Variants in CPEB1 observed in about 807,000 individuals in gnomAD.
CPEB1 encodes the protein cytoplasmic polyadenylation element-binding protein 1.
A neutral mutation model predicts 65.8 loss-of-function variants in CPEB1; 7 were observed. The ratio of observed to expected loss-of-function variants is 0.11; its 90% CI spans 0.06 to 0.20. The LOEUF (loss-of-function observed/expected upper bound fraction) is 0.20, where lower values mean the gene tolerates loss of function less well. Among genes scored for constraint, CPEB1 ranks in the 10% least tolerant of loss-of-function variants. The pLI, the probability that CPEB1 is intolerant of heterozygous loss-of-function variation, is 1.00. For missense variants in CPEB1, 551 were observed against 712.2 expected (o/e 0.77, Z 2.58); for synonymous variants, 262 against 260.0 (o/e 1.01, Z -0.08).
At chr15:82,645,406 G>A (rs2047419897) in intron 1 of CPEB1, among the ~76,000 whole-genome samples, 3 of 152,060 alleles carry the variant, frequency 2.0e-5, no homozygotes, top group Non-Finnish European at 2.9e-5. Context: ...GCCCGCCTGG[G>A]CCTCCCAAAG....
rs1382097396 is a variant in CPEB1 at position 82,628,431 on chromosome 15, G to A, written c.29C>T (p.Ser10Leu). 2.8e-6 allele frequency: 2 copies of A among 702,820 alleles called. No homozygotes were observed. The highest frequency in any genetic ancestry group is 1.7e-5 in the African/African-American group (1 of 57,250). The allele number at this position is 702,820 out of a possible 1,614,324, so 43.5% of individuals were successfully genotyped here. A position where few individuals can be genotyped will look rare whatever the true frequency, so the allele number is the denominator to read the frequency against. ...CAAACCAGTGCCAGACATGGAAGAC[G>A]ATGTTGAAGTAGCAATGCCAGAAAA... MFSGIATST[S>L]SSMSGTGLEH... is the part of the protein sequence containing the mutation. Residue 10 changes from serine to leucine, a missense_variant, in exon 2 of 13, where the codon TCG (serine) becomes TTG (leucine). Around this residue, in one of 6 missense-constraint regions of CPEB1, gnomAD observed 223 missense variants for 228.6 expected, o/e 0.98. Coordinates refer to ENST00000684509, the MANE Select transcript of CPEB1 (RefSeq NM_001365242.1).
chr15:82,549,686 C>T (rs2035902980), intron 9 of CPEB1, 28 bp from the exon 10 acceptor site: 4 of 1,608,378 alleles, frequency 2.5e-6, no homozygotes, highest in Middle Eastern at 3.3e-4. Flanking sequence ...GTGTATCAGC[C>T]CTGGCAGAGA....
intron 2 of CPEB1, chr15:82,628,143 A>T (rs1436774265): frequency 2.9e-6 from 2 of 695,718 alleles, no homozygotes; most frequent in Non-Finnish European, 5.2e-6. Flanking sequence ...TACACCAGTG[A>T]CAATGCCATC....
chr15:82,614,348 C>G (rs987683080), intron 3 of CPEB1, among the ~76,000 whole-genome samples: 10 of 152,172 alleles, frequency 6.6e-5, no homozygotes, highest in African/African-American at 2.4e-4. Context: ...ATGTGGGTGT[C>G]TGCTGTATAA....
upstream of CPEB1, chr15:82,647,952 T>TTTGCAGCGGGCCGCGCGCAGCC (rs2151419540): frequency 8.9e-7 from 1 of 1,122,040 alleles, no homozygotes; most frequent in Admixed American, 4.3e-5. Context: ...GGGCACTATT[T>TTTGCAGCGGGCCGCGCGCAGCC]TTGCAGCGGG....
intron 1 of CPEB1, among the ~76,000 whole-genome samples, chr15:82,630,534 A>G (rs1231242185): frequency 6.6e-6 from 1 of 152,104 alleles, no homozygotes; most frequent in South Asian, 2.1e-4. Context: ...TGAACCCAGG[A>G]GGCAGAGGTT....
At chr15:82,620,094 G>C (rs756464217) in intron 3 of CPEB1, among the ~76,000 whole-genome samples, 10 of 152,180 alleles carry the variant, frequency 6.6e-5, no homozygotes, top group Non-Finnish European at 1.5e-4. Context: ...GTTGCAACAT[G>C]GATGAAACTC....
At position 82,571,514 on chromosome 15, in the gene CPEB1, TCTTCA is replaced by T; in HGVS notation, c.285_289del (p.Glu96AsnfsTer24). The T allele has an allele frequency of 6.2e-7, 1 of 1,613,922 alleles. No individual in the cohort carries two copies. Among genetic ancestry groups the T allele is most frequent in the Non-Finnish European group, 8.5e-7 (1 of 1,179,884 alleles). On this transcript the variant is annotated frameshift_variant, in exon 4 of 13. Transcript: ENST00000684509. LOFTEE classifies it high-confidence loss of function. ...GAAAAGCATCCTGCTTGTAACTGTT[TCTTCA>T]GAGTCCTGGAAGTCTGTTTTGGAAA...
In CPEB1 at chr15:82,647,170, A is replaced by G. The variant is rs1160428019; in HGVS notation, c.-131T>C. On this transcript the variant is annotated 5_prime_UTR_variant, in exon 1 of 13. Coordinates refer to ENST00000684509, the MANE Select transcript of CPEB1 (RefSeq NM_001365242.1). ...CGCCAGCCCGGCGGGTCTCCCGGGC[A>G]CGAAGCCCCGCCAGTCTTCCGCCCT... is the stretch of plus-strand genomic sequence containing the variant. 1 of 152,164 alleles carries G rather than the reference A, an allele frequency of 6.6e-6. No individual in the cohort carries two copies. Among genetic ancestry groups the G allele is most frequent in the Non-Finnish European group, 1.5e-5 (1 of 68,228 alleles). 9.4% of individuals were successfully genotyped at this position (152,164 alleles called of 1,614,324 possible).
intron 4 of CPEB1, among the ~76,000 whole-genome samples, chr15:82,566,805 T>G (rs1375943218): frequency 6.6e-6 from 1 of 152,056 alleles, no homozygotes; most frequent in African/African-American, 2.4e-5. Context: ...CCAAATAGAC[T>G]ACTTGACTCC....
At chr15:82,552,701 C>T in intron 8 of CPEB1, 85 bp from the exon 9 acceptor site, 6 of 1,439,656 alleles carry the variant, frequency 4.2e-6, no homozygotes, top group African/African-American at 1.4e-5. Context: ...GCGTTTCTTC[C>T]AAGAAAGAAG....
intron 3 of CPEB1, chr15:82,583,582 T>G (rs557891856): frequency 3.3e-5 from 5 of 152,348 alleles, no homozygotes; most frequent in African/African-American, 1.2e-4. Flanking sequence ...TTCAAAAGAT[T>G]TATTCTTTGA....
chr15:82,635,849 T>A (rs2046615862), intron 1 of CPEB1, among the ~76,000 whole-genome samples: 1 of 152,044 alleles, frequency 6.6e-6, no homozygotes, highest in South Asian at 2.1e-4. Context: ...TAAGCAGGCA[T>A]GAGAAAAAGC....
chr15:82,576,324 G>T (rs1177874598), intron 3 of CPEB1, among the ~76,000 whole-genome samples: 1 of 152,162 alleles, frequency 6.6e-6, no homozygotes, highest in South Asian at 2.1e-4. Context: ...GGGGTACAAG[G>T]AAAGTAGCTG....
chr15:82,579,683 C>T (rs567338349), intron 3 of CPEB1, among the ~76,000 whole-genome samples: 1,980 of 151,216 alleles, frequency 0.013, 35 homozygotes, highest in African/African-American at 0.044. Context: ...GAGGCCGAGA[C>T]GGGTGGATCA....
chr15:82,607,786 C>A (rs2043766615), intron 3 of CPEB1, among the ~76,000 whole-genome samples: 1 of 152,004 alleles, frequency 6.6e-6, no homozygotes, highest in African/African-American at 2.4e-5. Flanking sequence ...AAAAATTTAA[C>A]AATTATAAAC....
Position 82,627,365 on chromosome 15 carries a change from T to C in CPEB1, c.99A>G (p.Glu33=). The C allele has an allele frequency of 1.9e-6, 3 of 1,607,362 alleles. No homozygotes were observed. The highest frequency in any genetic ancestry group is 1.7e-6 in the Non-Finnish European group (2 of 1,177,754). ...AATCTTTTATCCTTCCTGCTTCTTC[T>C]TCCTAGACACAGAAAAAAAAAGATA... ...LSDCLLLIPL[E]EEAGRIKDCW... is the part of the protein sequence containing the mutation. The change falls in exon 3 of 13, where the codon GAA becomes GAG. Residue 33 remains glutamate, a splice_region_variant and synonymous_variant. Transcript: ENST00000684509.
chr15:82,592,356 G>C (rs1273598781), intron 3 of CPEB1, among the ~76,000 whole-genome samples: 3 of 151,484 alleles, frequency 2.0e-5, no homozygotes, highest in Non-Finnish European at 4.4e-5. Flanking sequence ...GGGAGGCAGA[G>C]ATGGGCGGAT....
intron 10 of CPEB1, chr15:82,548,912 G>A (rs1287687757): frequency 1.7e-5 from 5 of 298,622 alleles, no homozygotes; most frequent in African/African-American, 1.1e-4. Context: ...ATTTTGCCAG[G>A]ACTGGCGAAT....
Sources: allele counts gnomAD v4.1 joint callset (sites outside exome capture counted in the v4.1 genomes callset), GRCh38; gene constraint gnomAD v4.1.1; regional missense constraint gnomAD v4.1.1; transcripts MANE v1.5; gene names NCBI Gene and HGNC (gene_info 2026-07-23, HGNC 2026-07-21).